Variants in CCDC83 observed in about 807,000 individuals in gnomAD.
CCDC83 encodes the protein coiled-coil domain-containing protein 83.
Under a neutral mutation model 50.1 loss-of-function variants are expected in CCDC83, and 54 were observed. The observed-to-expected ratio is 1.08, with a 90% CI of 0.87 to 1.35. The LOEUF (loss-of-function observed/expected upper bound fraction) is 1.35, where lower values mean the gene tolerates loss of function less well. Ranked by LOEUF, CCDC83 falls within the 40% of genes most tolerant of loss-of-function variation. The pLI is 0.00. For missense variants in CCDC83, 518 were observed against 473.9 expected (o/e 1.09, Z -0.86); for synonymous variants, 161 against 153.3 (o/e 1.05, Z -0.37).
intron 5 of CCDC83, among the ~76,000 whole-genome samples, chr11:85,893,822 C>G (rs555683343): frequency 6.6e-6 from 1 of 152,124 alleles, no homozygotes; most frequent in African/African-American, 2.4e-5. Flanking sequence ...CCAGATGGGA[C>G]CATCTATAAC....
At chr11:85,912,861 C>T in intron 8 of CCDC83, 1 of 705,892 alleles carries the variant, frequency 1.4e-6, no homozygotes, top group Non-Finnish European at 2.6e-6. Flanking sequence ...CTACCTGGAT[C>T]AACTCAGTCT....
chr11:85,882,441 C>G lies in CCDC83; in HGVS notation c.181-72C>G, dbSNP rs1592155284. The G allele has an allele frequency of 1.5e-5, 23 of 1,485,218 alleles. No individual in the cohort carries two copies. In the East Asian group the frequency reaches 5.0e-4, roughly 32 times the overall value. The allele number at this position is 1,485,218 out of a possible 1,614,324, so 92.0% of individuals were successfully genotyped here. A position where few individuals can be genotyped will look rare whatever the true frequency, so the allele number is the denominator to read the frequency against. On this transcript the variant is annotated intron_variant, in intron 3 of 10. Transcript: ENST00000342404. Reference sequence around the variant, plus strand: ...TGTGATACCCAAAGGCCGGGAACTTCTTGACTCTATTTTGAGGAAACATAG... The same window carrying G: ...TGTGATACCCAAAGGCCGGGAACTTGTTGACTCTATTTTGAGGAAACATAG...
intron 1 of CCDC83, among the ~76,000 whole-genome samples, chr11:85,855,825 T>C (rs2093136498): frequency 6.6e-6 from 1 of 152,208 alleles, no homozygotes; most frequent in Non-Finnish European, 1.5e-5. Flanking sequence ...GTCTTGCTTC[T>C]CTTAGTGCCT....
At chr11:85,905,618 TAA>T (rs1212939338) in intron 7 of CCDC83, among the ~76,000 whole-genome samples, 1 of 98,634 alleles carries the variant, frequency 1.0e-5, no homozygotes. Context: ...CTCAAAAAAA[TAA>T]AAAAAAAAAA....
At chr11:85,897,596 T>G (rs764099904) in intron 6 of CCDC83, among the ~76,000 whole-genome samples, 6 of 152,138 alleles carry the variant, frequency 3.9e-5, no homozygotes, top group Non-Finnish European at 8.8e-5. Flanking sequence ...GGCTTCTGGA[T>G]TTTTCAAAGC....
At chr11:85,869,483 AATTT>A (rs1193976896) in intron 2 of CCDC83, among the ~76,000 whole-genome samples, 3 of 152,280 alleles carry the variant, frequency 2.0e-5, no homozygotes, top group African/African-American at 7.2e-5. Context: ...TTGGAATTCA[AATTT>A]ATTTGTTTTC....
chr11:85,894,920 A>C (rs917156372), intron 5 of CCDC83, among the ~76,000 whole-genome samples: 1 of 152,214 alleles, frequency 6.6e-6, no homozygotes, highest in Non-Finnish European at 1.5e-5. Context: ...TGCTCTCTCA[A>C]TAATGACATT....
At chr11:85,916,487 A>G (rs1045414563) in intron 10 of CCDC83, 25 of 405,178 alleles carry the variant, frequency 6.2e-5, no homozygotes, top group Middle Eastern at 7.1e-4. Context: ...CTACATAACA[A>G]TCCCCAAAAC....
chr11:85,906,627 C>T (rs772754265), intron 7 of CCDC83, among the ~76,000 whole-genome samples: 22 of 152,192 alleles, frequency 1.4e-4, no homozygotes, highest in Non-Finnish European at 2.6e-4. Flanking sequence ...ACCTATACTA[C>T]CAGCACTTCG....
At chr11:85,912,514 T>G (rs1640155476) in intron 8 of CCDC83, 9 of 678,546 alleles carry the variant, frequency 1.3e-5, no homozygotes, top group Non-Finnish European at 2.1e-5. Context: ...GAGGTGAGGC[T>G]GAATGAGGAT....
chr11:85,897,135 G>A (rs2093379485), intron 6 of CCDC83, among the ~76,000 whole-genome samples: 1 of 152,170 alleles, frequency 6.6e-6, no homozygotes, highest in African/African-American at 2.4e-5. Context: ...ATTCAAAGTA[G>A]ATATATAGGC....
chr11:85,885,171 G>C (rs56160063), intron 4 of CCDC83, among the ~76,000 whole-genome samples: 1 of 151,546 alleles, frequency 6.6e-6, no homozygotes, highest in South Asian at 2.1e-4. Flanking sequence ...CCGAGATCGC[G>C]CCACTGCTCT....
chr11:85,897,510 G>T (rs1179245200), intron 6 of CCDC83, among the ~76,000 whole-genome samples: 1 of 152,214 alleles, frequency 6.6e-6, no homozygotes, highest in Non-Finnish European at 1.5e-5. Context: ...AGTCACCTGA[G>T]AAATTTTTTT....
intron 7 of CCDC83, among the ~76,000 whole-genome samples, chr11:85,904,728 C>A (rs2093417344): frequency 6.6e-6 from 1 of 152,144 alleles, no homozygotes; most frequent in Non-Finnish European, 1.5e-5. Context: ...CATTAAGTTT[C>A]TCTTCAAAAA....
chr11:85,915,550 C>A (rs761061328), intron 9 of CCDC83, 52 bp downstream of exon 9: 9 of 1,350,860 alleles, frequency 6.7e-6, no homozygotes, highest in Non-Finnish European at 4.2e-6. Context: ...TCTTGTTTTT[C>A]AATTTAAAAA....
intron 5 of CCDC83, 128 bp from the exon 6 acceptor site, chr11:85,895,165 T>G: frequency 3.4e-6 from 1 of 297,608 alleles, no homozygotes; most frequent in Non-Finnish European, 6.1e-6. Flanking sequence ...TAATAAAGTC[T>G]TCATACTTCT....
At chr11:85,856,548 G>T (rs957251471) in intron 1 of CCDC83, among the ~76,000 whole-genome samples, 15 of 152,170 alleles carry the variant, frequency 9.9e-5, no homozygotes, top group African/African-American at 3.4e-4. Flanking sequence ...AGCAACTCTG[G>T]ATCAGAAGAC....
intron 7 of CCDC83, among the ~76,000 whole-genome samples, chr11:85,902,077 T>C (rs1048984982): frequency 6.8e-6 from 1 of 146,086 alleles, no homozygotes; most frequent in Non-Finnish European, 1.5e-5. Context: ...GAATCATCAA[T>C]GAAATAATAG....
In CCDC83 at chr11:85,882,507, T is replaced by A. The variant is rs1409763398; in HGVS notation, c.181-6T>A. 1.9e-6 allele frequency: 3 copies of A among 1,612,432 alleles called. No individual in the cohort carries two copies. Among genetic ancestry groups the A allele is most frequent in the Non-Finnish European group, 2.5e-6 (3 of 1,179,348 alleles). The stretch of plus-strand genomic sequence containing the variant: ...AAACGTGAATTACTGTTGATTTTCA[T>A]GACAGAATAGCCGCTTAAAAGAAGA... On this transcript the variant is annotated splice_polypyrimidine_tract_variant and splice_region_variant and intron_variant, in intron 3 of 10. Transcript: ENST00000342404.
Sources: gnomAD v4.1 joint callset for allele counts (sites outside exome capture counted in the v4.1 genomes callset) on GRCh38, gnomAD v4.1.1 for gene constraint, MANE v1.5 for transcripts, NCBI Gene and HGNC (gene_info 2026-07-23, HGNC 2026-07-21) for gene names.